Variants in SNX29 observed in about 807,000 individuals in gnomAD.
The protein encoded by SNX29 is sorting nexin 29, also known as sorting nexin-29.
SNX29 carries 78 observed loss-of-function variants against 102.1 expected under a neutral mutation model. The ratio of observed to expected loss-of-function variants is 0.76; its 90% CI spans 0.64 to 0.92. The LOEUF is 0.92. SNX29 is among the 40% of genes least tolerant of loss of function. SNX29 has a pLI of 0.00. For missense variants in SNX29, 1,280 were observed against 1,061.7 expected (o/e 1.21, Z -2.86); for synonymous variants, 580 against 414.5 (o/e 1.40, Z -4.85).
intron 4 of SNX29, among the ~76,000 whole-genome samples, chr16:12,028,870 TC>T (rs1356945481): frequency 3.9e-5 from 6 of 152,034 alleles, no homozygotes; most frequent in Non-Finnish European, 7.4e-5. Flanking sequence ...TGCCTGAGCC[TC>T]CCGAGTAGCT....
chr16:12,435,589 C>G (rs1233662009), intron 18 of SNX29, among the ~76,000 whole-genome samples: 1 of 152,208 alleles, frequency 6.6e-6, no homozygotes, highest in Non-Finnish European at 1.5e-5. Flanking sequence ...CTAGAAAACA[C>G]CAGAGGACGC....
chr16:12,467,063 C>T (rs565179434), intron 18 of SNX29, among the ~76,000 whole-genome samples: 48 of 152,254 alleles, frequency 3.2e-4, no homozygotes, highest in Admixed American at 1.4e-3. Context: ...GCCAGTGATG[C>T]GAAGATGTGG....
chr16:11,998,246 A>G (rs2056161259), intron 1 of SNX29, among the ~76,000 whole-genome samples: 1 of 152,120 alleles, frequency 6.6e-6, no homozygotes. Context: ...CTTTGAAGTG[A>G]ATGTGCTCTG....
At chr16:12,071,595 C>A (rs350237) in intron 10 of SNX29, among the ~76,000 whole-genome samples, 83,296 of 152,002 alleles carry the variant, frequency 0.55, 24,314 homozygotes, top group African/African-American at 0.77. Flanking sequence ...GTTTGAAGTC[C>A]GGTAGCGTGA....
intron 16 of SNX29, among the ~76,000 whole-genome samples, chr16:12,380,760 A>C (rs2083075861): frequency 1.2e-5 from 1 of 86,670 alleles, no homozygotes; most frequent in Admixed American, 1.2e-4. Flanking sequence ...CCATCCATCC[A>C]CCCACCCACC....
At chr16:12,233,487 A>T (rs2077832351) in intron 14 of SNX29, among the ~76,000 whole-genome samples, 1 of 152,190 alleles carries the variant, frequency 6.6e-6, no homozygotes, top group African/African-American at 2.4e-5. Context: ...GTTGGATACT[A>T]TGCTTACTGC....
At chr16:12,112,600 C>T (rs1262975553) in intron 11 of SNX29, among the ~76,000 whole-genome samples, 1 of 152,192 alleles carries the variant, frequency 6.6e-6, no homozygotes, top group Non-Finnish European at 1.5e-5. Flanking sequence ...ACGACAGCAG[C>T]CCCAAGCGGG....
At chr16:12,490,937 C>T (rs186990516) in intron 19 of SNX29, among the ~76,000 whole-genome samples, 17 of 152,348 alleles carry the variant, frequency 1.1e-4, no homozygotes, top group East Asian at 5.8e-4. Context: ...AACCACTCTG[C>T]GGAATCATTC....
chr16:12,555,926 G>A (rs114136684), intron 20 of SNX29, among the ~76,000 whole-genome samples: 2,329 of 152,252 alleles, frequency 0.015, 54 homozygotes, highest in African/African-American at 0.052. Context: ...TGCGTATGGT[G>A]TCAGGTCTGT....
At chr16:12,008,110 A>T (rs2056519299) in intron 3 of SNX29, among the ~76,000 whole-genome samples, 1 of 151,778 alleles carries the variant, frequency 6.6e-6, no homozygotes, top group Admixed American at 6.6e-5. Flanking sequence ...TGCCCAGCTA[A>T]TTTGTTTGTA....
chr16:12,352,898 A>C (rs2082026673), intron 15 of SNX29, among the ~76,000 whole-genome samples: 1 of 152,234 alleles, frequency 6.6e-6, no homozygotes, highest in Non-Finnish European at 1.5e-5. Flanking sequence ...AAATACAACA[A>C]CTGAGGATAG....
chr16:12,014,931 CA>C (rs1327339078), intron 3 of SNX29, among the ~76,000 whole-genome samples: 2 of 151,960 alleles, frequency 1.3e-5, no homozygotes, highest in African/African-American at 4.8e-5. Context: ...ATCACTGTTG[CA>C]AAGCATGAAT....
At chr16:12,163,594 A>AG (rs1244240455) in intron 13 of SNX29, among the ~76,000 whole-genome samples, 4 of 152,132 alleles carry the variant, frequency 2.6e-5, no homozygotes, top group African/African-American at 9.7e-5. Flanking sequence ...AGAGTCATGG[A>AG]GGGGCTGGTG....
At chr16:12,157,853 C>G (rs969023483) in intron 13 of SNX29, among the ~76,000 whole-genome samples, 14 of 152,180 alleles carry the variant, frequency 9.2e-5, no homozygotes, top group Middle Eastern at 3.2e-3. Context: ...ATGTGCTTGT[C>G]TCCGTCTGCC....
intron 20 of SNX29, among the ~76,000 whole-genome samples, chr16:12,538,714 A>T (rs1040618952): frequency 5.3e-5 from 8 of 152,168 alleles, no homozygotes; most frequent in Admixed American, 3.9e-4. Context: ...GGGCATGTAC[A>T]TCAGGGAGCA....
chr16:12,460,743 C>T (rs973993863), intron 18 of SNX29, among the ~76,000 whole-genome samples: 8 of 151,624 alleles, frequency 5.3e-5, no homozygotes, highest in Admixed American at 1.3e-4. Context: ...ATGCAACCTC[C>T]GCCTCCCGGG....
At chr16:12,437,499 C>G (rs1466487110) in intron 18 of SNX29, among the ~76,000 whole-genome samples, 1 of 152,198 alleles carries the variant, frequency 6.6e-6, no homozygotes, top group South Asian at 2.1e-4. Context: ...CAGGTGACAT[C>G]TGAACTGAGT....
At chr16:12,148,990 C>A (rs1277362369) in intron 13 of SNX29, among the ~76,000 whole-genome samples, 1 of 152,174 alleles carries the variant, frequency 6.6e-6, no homozygotes, top group Non-Finnish European at 1.5e-5. Flanking sequence ...GTGTGAGCCA[C>A]CACGCCCGGC....
chr16:12,406,379 A>G (rs940771657), intron 18 of SNX29, among the ~76,000 whole-genome samples: 3 of 152,230 alleles, frequency 2.0e-5, no homozygotes, highest in Admixed American at 1.3e-4. Flanking sequence ...AGATTAAACA[A>G]TAAAAAAGGA....
Sources: allele counts gnomAD v4.1 joint callset (sites outside exome capture counted in the v4.1 genomes callset), GRCh38; gene constraint gnomAD v4.1.1; transcripts MANE v1.5; gene names NCBI Gene and HGNC (gene_info 2026-07-23, HGNC 2026-07-21).